Variants in MSI2 observed in about 807,000 individuals in gnomAD.
MSI2 encodes musashi RNA binding protein 2, also known as RNA-binding protein Musashi homolog 2.
Under a neutral mutation model 45.6 loss-of-function variants are expected in MSI2, and 17 were observed. That is an observed-to-expected ratio of 0.37 (90% confidence interval 0.26 to 0.56). The LOEUF (loss-of-function observed/expected upper bound fraction) is 0.56, where lower values mean the gene tolerates loss of function less well. Ranked by LOEUF, MSI2 falls within the 20% of genes least tolerant of loss-of-function variation. The probability of loss-of-function intolerance (pLI) is 0.77; values close to 1 mark genes in which losing one functional copy is unlikely to be tolerated. For missense variants in MSI2, 293 were observed against 444.2 expected (o/e 0.66, Z 3.06); for synonymous variants, 156 against 158.2 (o/e 0.99, Z 0.11).
At chr17:57,301,796 G>A (rs1422246733) in intron 5 of MSI2, among the ~76,000 whole-genome samples, 2 of 150,014 alleles carry the variant, frequency 1.3e-5, no homozygotes, top group Non-Finnish European at 3.0e-5. Flanking sequence ...TTTTTTCACC[G>A]TGAATATTCT....
At chr17:57,419,858 T>A (rs2084364001) in intron 6 of MSI2, among the ~76,000 whole-genome samples, 1 of 152,212 alleles carries the variant, frequency 6.6e-6, no homozygotes, top group Non-Finnish European at 1.5e-5. Flanking sequence ...CCGTGGACCC[T>A]GGCTGGGCCT....
rs138881842 is a variant in MSI2 at position 57,521,896 on chromosome 17, T to C, written c.406-7780T>C. 3.9e-3 allele frequency among the ~76,000 whole-genome samples: 594 copies of C among 152,314 alleles called. 8 individuals are homozygous for C. Among genetic ancestry groups the C allele is most frequent in the African/African-American group, 0.014 (577 of 41,550 alleles). On this transcript the variant is annotated intron_variant, in intron 6 of 13. Transcript: ENST00000284073. ...TGGGATTTTCCAGTCTGCTCCTTCTTCTCCGTCCTTCCTCTTTGGAGAATG... is the reference window on the plus strand; with the variant it reads ...TGGGATTTTCCAGTCTGCTCCTTCTCCTCCGTCCTTCCTCTTTGGAGAATG...
intron 1 of MSI2, 122 bp downstream of exon 1, chr17:57,256,926 C>A (rs905158143): frequency 1.1e-5 from 6 of 567,674 alleles, no homozygotes; most frequent in Non-Finnish European, 1.6e-5. Context: ...GCGCCCCCCC[C>A]GTGGAAGTTA....
chr17:57,644,324 C>T (rs983319233), intron 10 of MSI2, among the ~76,000 whole-genome samples: 3 of 150,052 alleles, frequency 2.0e-5, no homozygotes, highest in Non-Finnish European at 4.4e-5. Context: ...CTCCTCTTTG[C>T]ACCCCCTGTT....
chr17:57,551,626 C>T (rs2144188907), intron 7 of MSI2, among the ~76,000 whole-genome samples: 1 of 152,264 alleles, frequency 6.6e-6, no homozygotes, highest in Middle Eastern at 3.4e-3. Context: ...CCCCCTCTTC[C>T]TGCACTGCCA....
At chr17:57,630,935 C>T (rs747085495) in intron 10 of MSI2, 1 of 152,300 alleles carries the variant, frequency 6.6e-6, no homozygotes, top group African/African-American at 2.4e-5. Flanking sequence ...ATGGGGCAGC[C>T]CAGCCCTCTG....
intron 7 of MSI2, among the ~76,000 whole-genome samples, chr17:57,551,757 A>G (rs185230162): frequency 3.9e-5 from 6 of 152,298 alleles, no homozygotes; most frequent in Admixed American, 1.3e-4. Flanking sequence ...ACTGGGTTCT[A>G]AAGGTGGGAA....
At chr17:57,434,809 T>A (rs1363685840) in intron 6 of MSI2, among the ~76,000 whole-genome samples, 4 of 151,974 alleles carry the variant, frequency 2.6e-5, no homozygotes, top group African/African-American at 9.7e-5. Context: ...TACCCATCGA[T>A]GGGCACTTAA....
chr17:57,499,743 G>T (rs1353155773), intron 6 of MSI2, among the ~76,000 whole-genome samples: 1 of 152,182 alleles, frequency 6.6e-6, no homozygotes, highest in Non-Finnish European at 1.5e-5. Flanking sequence ...TGAGGTTGTA[G>T]TTCTAGTGGC....
At chr17:57,614,167 T>G (rs4793878) in intron 8 of MSI2, among the ~76,000 whole-genome samples, 1 of 151,910 alleles carries the variant, frequency 6.6e-6, no homozygotes, top group Non-Finnish European at 1.5e-5. Context: ...TCTTCTGCCT[T>G]AGCCTCCCAA....
Position 57,438,514 on chromosome 17 carries a change from A to G in MSI2, c.405+37043A>G, listed in dbSNP as rs545089937. ...AAAGCAGACTTTCTGGAGGCTGGGCATGATCACTGAGATGCAGAGCACTGA... is the reference window on the plus strand; with the variant it reads ...AAAGCAGACTTTCTGGAGGCTGGGCGTGATCACTGAGATGCAGAGCACTGA... On this transcript the variant is annotated intron_variant, in intron 6 of 13. Transcript: ENST00000284073. Among the ~76,000 whole-genome samples, 5 of 152,292 alleles carry G rather than the reference A, an allele frequency of 3.3e-5. No individual in the cohort carries two copies. In the East Asian group the frequency reaches 5.8e-4, roughly 18 times the overall value.
At chr17:57,484,159 C>G (rs78603033) in intron 6 of MSI2, among the ~76,000 whole-genome samples, 2 of 152,222 alleles carry the variant, frequency 1.3e-5, no homozygotes, top group South Asian at 4.1e-4. Context: ...CTCTCTGGCT[C>G]ACCTTCCTCC....
intron 7 of MSI2, among the ~76,000 whole-genome samples, chr17:57,570,682 A>G (rs1036585015): frequency 1.3e-5 from 2 of 152,186 alleles, no homozygotes; most frequent in African/African-American, 4.8e-5. Flanking sequence ...CAGAAAAGCC[A>G]ACAACCAAAA....
chr17:57,418,144 A>G (rs2084330066), intron 6 of MSI2, among the ~76,000 whole-genome samples: 1 of 152,222 alleles, frequency 6.6e-6, no homozygotes, highest in Admixed American at 6.5e-5. Context: ...CAATATGTAA[A>G]TGAATGAGTG....
chr17:57,534,578 G>A (rs1890905373), intron 7 of MSI2, among the ~76,000 whole-genome samples: 2 of 150,018 alleles, frequency 1.3e-5, no homozygotes, highest in Admixed American at 1.3e-4. Flanking sequence ...CGGGTGTGGT[G>A]GTGGGTGCCT....
chr17:57,488,232 CT>C (rs1361752667), intron 6 of MSI2, among the ~76,000 whole-genome samples: 1 of 152,182 alleles, frequency 6.6e-6, no homozygotes, highest in Non-Finnish European at 1.5e-5. Context: ...CATCAGCTCC[CT>C]TCTCCTCGTC....
intron 6 of MSI2, among the ~76,000 whole-genome samples, chr17:57,475,527 T>C (rs1479249783): frequency 6.6e-6 from 1 of 152,194 alleles, no homozygotes; most frequent in Non-Finnish European, 1.5e-5. Context: ...TTCTCATTTC[T>C]GAAAACCTGA....
At chr17:57,469,737 G>T (rs2085397739) in intron 6 of MSI2, among the ~76,000 whole-genome samples, 1 of 152,256 alleles carries the variant, frequency 6.6e-6, no homozygotes, top group African/African-American at 2.4e-5. Context: ...ACTGGTGAGA[G>T]AGGGCACATC....
chr17:57,701,029 C>G, the MSI2 span, among the ~76,000 whole-genome samples: 1 of 152,154 alleles, frequency 6.6e-6, no homozygotes, highest in Non-Finnish European at 1.5e-5. Context: ...ATTGTCCTCC[C>G]CGGAAAAGGC....
Sources: allele counts gnomAD v4.1 joint callset (sites outside exome capture counted in the v4.1 genomes callset), GRCh38; gene constraint gnomAD v4.1.1; transcripts MANE v1.5; gene names NCBI Gene and HGNC (gene_info 2026-07-23, HGNC 2026-07-21).